Variants in FBN1 observed in about 807,000 individuals in gnomAD.
The protein encoded by FBN1 is fibrillin 1, also known as fibrillin-1.
Under a neutral mutation model 365.1 loss-of-function variants are expected in FBN1, and 29 were observed. That is an observed-to-expected ratio of 0.08 (90% CI 0.06 to 0.11). The LOEUF (loss-of-function observed/expected upper bound fraction) is 0.11, where lower values mean the gene tolerates loss of function less well. FBN1 is among the 10% of genes least tolerant of loss of function. FBN1 has a pLI of 1.00. For missense variants in FBN1, 2,476 were observed against 3,703.2 expected (o/e 0.67, Z 8.60); for synonymous variants, 1,210 against 1,270.5 (o/e 0.95, Z 1.01).
At chr15:48,421,087 T>TC (rs989932602) in intron 62 of FBN1, among the ~76,000 whole-genome samples, 1 of 152,072 alleles carries the variant, frequency 6.6e-6, no homozygotes, top group Non-Finnish European at 1.5e-5. Flanking sequence ...TTGCTCTTTT[T>TC]TTTTTTTATT....
intron 2 of FBN1, among the ~76,000 whole-genome samples, chr15:48,630,731 CAAAAA>C (rs11393587): frequency 4.5e-5 from 5 of 111,098 alleles, no homozygotes; most frequent in African/African-American, 9.3e-5. Flanking sequence ...GACTCCATCT[CAAAAA>C]AAAAAAAAAA....
At chr15:48,604,277 G>A (rs969366085) in intron 4 of FBN1, among the ~76,000 whole-genome samples, 4 of 152,258 alleles carry the variant, frequency 2.6e-5, no homozygotes, top group Non-Finnish European at 4.4e-5. Context: ...AACACTGGGA[G>A]CAATTTGCAC....
At chr15:48,521,407 C>A (rs13379924) in intron 9 of FBN1, among the ~76,000 whole-genome samples, 1 of 152,120 alleles carries the variant, frequency 6.6e-6, no homozygotes, top group Non-Finnish European at 1.5e-5. Context: ...TGTCTTAGGG[C>A]CCTAACAGAT....
At chr15:48,621,688 A>AT (rs1566939985) in intron 2 of FBN1, among the ~76,000 whole-genome samples, 1 of 152,168 alleles carries the variant, frequency 6.6e-6, no homozygotes, top group African/African-American at 2.4e-5. Context: ...CACTAACTAC[A>AT]TATCAATATT....
intron 45 of FBN1, among the ~76,000 whole-genome samples, chr15:48,451,964 C>G (rs771809775): frequency 7.2e-5 from 11 of 152,162 alleles, no homozygotes; most frequent in Non-Finnish European, 1.2e-4. Context: ...CCAAAAAAAT[C>G]TAATCTCTAG....
chr15:48,589,546 C>T (rs2044460524), intron 6 of FBN1, among the ~76,000 whole-genome samples: 1 of 151,980 alleles, frequency 6.6e-6, no homozygotes, highest in Non-Finnish European at 1.5e-5. Flanking sequence ...TGTTGCAATA[C>T]CACTGTAGAC....
At chr15:48,441,089 G>A (rs1225073772) in intron 50 of FBN1, among the ~76,000 whole-genome samples, 2 of 152,040 alleles carry the variant, frequency 1.3e-5, no homozygotes, top group African/African-American at 2.4e-5. Flanking sequence ...AGTTTTCTGG[G>A]ACTTAAGTAC....
intron 38 of FBN1, among the ~76,000 whole-genome samples, chr15:48,466,189 ACTTCAT>A (rs1318576197): frequency 6.6e-6 from 1 of 151,582 alleles, no homozygotes; most frequent in Admixed American, 6.6e-5. Flanking sequence ...TTTCTGAAAA[ACTTCAT>A]CTTCATTTTT....
At chr15:48,462,298 G>C (rs1007773907) in intron 42 of FBN1, among the ~76,000 whole-genome samples, 1 of 151,942 alleles carries the variant, frequency 6.6e-6, no homozygotes, top group Non-Finnish European at 1.5e-5. Flanking sequence ...TATACCATAT[G>C]ATATAAGAAC....
rs746666535 is a variant in FBN1, at chr15:48,430,797, C to T, written c.6745G>A (p.Asp2249Asn). ...TCATGTTTTCCCTCTTCACACTCAT[C>T]CTCATCTGTAAAAAATGTACAATCA... Reference protein sequence around the residue: ...REDRRMCKDEDECEEGKHDCT... With the variant: ...REDRRMCKDENECEEGKHDCT... The change falls in exon 56 of 66, where the codon GAT becomes AAT. Residue 2249 changes from aspartate (D) to asparagine (N), a missense_variant. Physicochemically the swap from Asp to Asn is conservative, Grantham distance 23. Transcript: ENST00000316623. 1.2e-6 allele frequency: 2 copies of T among 1,613,602 alleles called. No homozygotes were observed. The highest frequency in any genetic ancestry group is 3.3e-5 in the Admixed American group (2 of 59,992).
chr15:48,454,058 T>C (rs1006902664), intron 44 of FBN1, among the ~76,000 whole-genome samples: 2 of 152,240 alleles, frequency 1.3e-5, no homozygotes, highest in African/African-American at 4.8e-5. Flanking sequence ...CTGGATTTTA[T>C]GATTCAATAA....
intron 6 of FBN1, among the ~76,000 whole-genome samples, chr15:48,558,192 A>G (rs531358846): frequency 1.4e-4 from 21 of 152,216 alleles, no homozygotes; most frequent in Non-Finnish European, 2.4e-4. Flanking sequence ...CTCTGCACAC[A>G]CCTTTGTTTC....
At position 48,467,110 on chromosome 15, in the gene FBN1, C is replaced by T. The variant is rs150776369; in HGVS notation, c.4747+828G>A. 4.2e-3 allele frequency among the ~76,000 whole-genome samples: 642 copies of T among 152,286 alleles called. 5 individuals are homozygous for T. The highest frequency in any genetic ancestry group is 6.8e-3 in the Middle Eastern group (2 of 294). On this transcript the variant is annotated intron_variant, in intron 38 of 65. Transcript: ENST00000316623. Reference sequence around the variant, plus strand: ...AGTCCTAATGTGCACCAGGTGTGCTCTTTGTACCAACACAGCACTGTGCCT... The same window carrying T: ...AGTCCTAATGTGCACCAGGTGTGCTTTTTGTACCAACACAGCACTGTGCCT...
At chr15:48,428,221 A>T (rs1452680508) in intron 57 of FBN1, 125 bp downstream of exon 57, 7 of 1,295,744 alleles carry the variant, frequency 5.4e-6, no homozygotes, top group East Asian at 2.5e-5. Context: ...CATCTCCAAA[A>T]TATGAACATT....
At chr15:48,458,098 CAA>C (rs1191219853) in intron 43 of FBN1, among the ~76,000 whole-genome samples, 5 of 152,180 alleles carry the variant, frequency 3.3e-5, no homozygotes, top group Non-Finnish European at 1.5e-5. Context: ...GTCTACAATC[CAA>C]AGTCTTCCAA....
intron 24 of FBN1, among the ~76,000 whole-genome samples, 188 bp from the exon 25 acceptor site, chr15:48,490,266 T>A: frequency 6.6e-6 from 1 of 152,166 alleles, no homozygotes. Flanking sequence ...ATAAAGACTC[T>A]CTTTGTCAGC....
At chr15:48,492,706 G>T in intron 23 of FBN1, 120 bp from the exon 24 acceptor site, 3 of 823,402 alleles carry the variant, frequency 3.6e-6, no homozygotes, top group East Asian at 5.4e-5. Flanking sequence ...AAACTAGTTT[G>T]CCTACAAGTA....
At chr15:48,431,715 C>T (rs1228480666) in intron 55 of FBN1, among the ~76,000 whole-genome samples, 2 of 152,036 alleles carry the variant, frequency 1.3e-5, no homozygotes, top group Non-Finnish European at 2.9e-5. Context: ...AGTGCAGTGG[C>T]ATGATCTCAG....
intron 25 of FBN1, 53 bp downstream of exon 25, chr15:48,489,798 T>C: frequency 7.2e-7 from 1 of 1,389,922 alleles, no homozygotes; most frequent in Non-Finnish European, 1.0e-6. Context: ...TGAAAATGCA[T>C]CCTATTTGTC....
Sources: gnomAD v4.1 joint callset for allele counts (sites outside exome capture counted in the v4.1 genomes callset) on GRCh38, gnomAD v4.1.1 for gene constraint, MANE v1.5 for transcripts, NCBI Gene and HGNC (gene_info 2026-07-23, HGNC 2026-07-21) for gene names.